SNX3: variants seen among roughly 807,000 people sequenced by gnomAD.
SNX3 encodes sorting nexin 3.
SNX3 carries 5 observed loss-of-function variants against 17.7 expected under a neutral mutation model. The ratio of observed to expected loss-of-function variants is 0.28; its 90% CI spans 0.15 to 0.59. SNX3 has a LOEUF of 0.59. Ranked by LOEUF, SNX3 falls within the 20% of genes least tolerant of loss-of-function variation. SNX3 has a pLI of 0.88. For missense variants in SNX3, 132 were observed against 206.8 expected (o/e 0.64, Z 2.22); for synonymous variants, 91 against 76.5 (o/e 1.19, Z -0.99).
At chr6:108,231,855 C>T (rs1463221580) in intron 1 of SNX3, among the ~76,000 whole-genome samples, 5 of 152,028 alleles carry the variant, frequency 3.3e-5, no homozygotes, top group Non-Finnish European at 7.4e-5. Context: ...GAAGGAAAGC[C>T]CCACTCCCTG....
chr6:108,246,671 T>G (rs1775702304), intron 1 of SNX3, among the ~76,000 whole-genome samples: 1 of 152,026 alleles, frequency 6.6e-6, no homozygotes, highest in African/African-American at 2.4e-5. Context: ...TTTTATTCTT[T>G]TGCCTGGGAA....
chr6:108,252,704 G>A (rs1309548709), intron 1 of SNX3, among the ~76,000 whole-genome samples: 1 of 151,538 alleles, frequency 6.6e-6, no homozygotes, highest in Non-Finnish European at 1.5e-5. Context: ...ACAGAGTCGC[G>A]CTGCCACCCA....
At chr6:108,231,242 C>T (rs1036462498) in intron 1 of SNX3, among the ~76,000 whole-genome samples, 13 of 152,084 alleles carry the variant, frequency 8.5e-5, no homozygotes, top group African/African-American at 1.4e-4. Flanking sequence ...CGCGCCACCA[C>T]GCCCGGCTAA....
intron 1 of SNX3, among the ~76,000 whole-genome samples, chr6:108,248,766 T>A (rs752947814): frequency 1.3e-5 from 2 of 152,066 alleles, no homozygotes; most frequent in Non-Finnish European, 2.9e-5. Flanking sequence ...ATTCCTTCCT[T>A]TCTTTTTTTT....
At chr6:108,218,346 A>G (rs2114708818) in intron 2 of SNX3, among the ~76,000 whole-genome samples, 1 of 152,350 alleles carries the variant, frequency 6.6e-6, no homozygotes. Context: ...ATACCCCTTC[A>G]CAAACAGTAG....
intron 1 of SNX3, among the ~76,000 whole-genome samples, chr6:108,238,857 T>C (rs1775433524): frequency 6.6e-6 from 1 of 152,044 alleles, no homozygotes; most frequent in Non-Finnish European, 1.5e-5. Context: ...AATATTTGCT[T>C]TGTACCAATG....
chr6:108,223,107 G>A lies in SNX3; in HGVS notation c.163-62C>T, dbSNP rs1223555664. The A allele has an allele frequency of 1.0e-5, 8 of 787,272 alleles. No individual in the cohort carries two copies. The East Asian group carries it at 1.8e-4, about 17-fold the overall frequency. The allele number at this position is 787,272 out of a possible 1,614,324, so 48.8% of individuals were successfully genotyped here. On this transcript the variant is annotated intron_variant, in intron 1 of 3. Transcript: ENST00000230085. The stretch of plus-strand genomic sequence containing the variant: ...TTAAGGAAACTTCAAAAAAATGGGG[G>A]GACGGGTATGGCAAAACAAAAGAAA...
At chr6:108,235,866 C>A (rs1238077882) in intron 1 of SNX3, among the ~76,000 whole-genome samples, 1 of 152,036 alleles carries the variant, frequency 6.6e-6, no homozygotes, top group Middle Eastern at 3.2e-3. Context: ...CCAGCCTCGG[C>A]GACAGAGTGA....
intron 1 of SNX3, among the ~76,000 whole-genome samples, chr6:108,229,068 T>C (rs1007749285): frequency 6.6e-6 from 1 of 151,978 alleles, no homozygotes; most frequent in African/African-American, 2.4e-5. Flanking sequence ...AAGACCAGCC[T>C]GGCCAATACA....
At chr6:108,231,231 ACGCG>A (rs1406518503) in intron 1 of SNX3, among the ~76,000 whole-genome samples, 1 of 151,842 alleles carries the variant, frequency 6.6e-6, no homozygotes, top group Non-Finnish European at 1.5e-5. Flanking sequence ...GATTACAGGC[ACGCG>A]CCACCACGCC....
intron 1 of SNX3, among the ~76,000 whole-genome samples, chr6:108,240,593 A>G (rs1012962948): frequency 5.9e-5 from 9 of 152,196 alleles, no homozygotes; most frequent in Non-Finnish European, 1.3e-4. Flanking sequence ...TTCTACCAGG[A>G]TGTGGCAAGC....
At chr6:108,223,116 T>C (rs979411355) in intron 1 of SNX3, 71 bp from the exon 2 acceptor site, 3 of 743,152 alleles carry the variant, frequency 4.0e-6, no homozygotes, top group African/African-American at 1.8e-5. Context: ...GGGACGGGTA[T>C]GGCAAAACAA....
In SNX3 at chr6:108,242,242, G is replaced by A. The variant is rs139925874; in HGVS notation, c.162+18518C>T. Among the ~76,000 whole-genome samples, 11 of 152,232 alleles carry A rather than the reference G, an allele frequency of 7.2e-5. No individual in the cohort carries two copies. In the East Asian group the frequency reaches 9.6e-4, roughly 13 times the overall value. ...AACACACATGTAATGGGAGTCCCACGATGAGAGAAAGAAACAATAAATAAT... is the reference window on the plus strand; with the variant it reads ...AACACACATGTAATGGGAGTCCCACAATGAGAGAAAGAAACAATAAATAAT... On this transcript the variant is annotated intron_variant, in intron 1 of 3. Transcript: ENST00000230085.
At chr6:108,212,867 A>G (rs1774448942) in intron 3 of SNX3, among the ~76,000 whole-genome samples, 1 of 150,872 alleles carries the variant, frequency 6.6e-6, no homozygotes, top group Non-Finnish European at 1.5e-5. Context: ...AAGCATGTCA[A>G]TTGATCCTAA....
intron 1 of SNX3, among the ~76,000 whole-genome samples, chr6:108,223,378 T>C (rs1328942581): frequency 1.3e-5 from 2 of 151,962 alleles, no homozygotes; most frequent in East Asian, 3.9e-4. Flanking sequence ...CCTCAGGTGA[T>C]CCGCCCGCCT....
Position 108,214,611 on chromosome 6 carries a change from G to A in SNX3, c.270C>T (p.Pro90=). 6.2e-7 allele frequency: 1 copy of A among 1,611,746 alleles called. No homozygotes were observed. Among genetic ancestry groups the A allele is most frequent in the Non-Finnish European group, 8.5e-7 (1 of 1,179,474 alleles). ...GCAAAAACGCTTTCCCAGGGAGCGG[G>A]GGAACTACGACCTAAAATGTGAAGA... ...ELERESKVVV[P]PLPGKAFLRQ... is the part of the protein sequence containing the mutation. The change falls in exon 3 of 4, where the codon CCC becomes CCT. Residue 90 remains proline (P), a synonymous_variant. Coordinates refer to ENST00000230085, the MANE Select transcript of SNX3 (RefSeq NM_003795.6).
chr6:108,238,264 G>T (rs1408568488), intron 1 of SNX3, among the ~76,000 whole-genome samples: 1 of 152,004 alleles, frequency 6.6e-6, no homozygotes, highest in Non-Finnish European at 1.5e-5. Flanking sequence ...AGCAGAGTAG[G>T]TGTCACAGAA....
intron 3 of SNX3, among the ~76,000 whole-genome samples, chr6:108,213,999 G>A (rs1040486516): frequency 1.3e-5 from 2 of 152,102 alleles, no homozygotes; most frequent in African/African-American, 4.8e-5. Flanking sequence ...ATTGGTTTGA[G>A]CTTATCAAGA....
intron 1 of SNX3, among the ~76,000 whole-genome samples, chr6:108,241,658 A>G (rs1255337946): frequency 6.6e-6 from 1 of 152,164 alleles, no homozygotes; most frequent in Non-Finnish European, 1.5e-5. Flanking sequence ...CTCATACTAC[A>G]GACTTAATGT....
Sources: allele counts gnomAD v4.1 joint callset (sites outside exome capture counted in the v4.1 genomes callset), GRCh38; gene constraint gnomAD v4.1.1; transcripts MANE v1.5; gene names NCBI Gene and HGNC (gene_info 2026-07-23, HGNC 2026-07-21).